The following KLHL13 variants were observed in gnomAD, a reference collection of about 807,000 sequenced individuals.
KLHL13 encodes kelch like family member 13, also known as kelch-like protein 13.
Under a neutral mutation model 37.1 loss-of-function variants are expected in KLHL13, and 10 were observed. That is an observed-to-expected ratio of 0.27 (90% CI 0.17 to 0.46). KLHL13 has a LOEUF of 0.46. Ranked by LOEUF, KLHL13 falls within the 20% of genes least tolerant of loss-of-function variation. KLHL13 has a pLI of 1.00. For synonymous variants in KLHL13, 163 were observed against 181.2 expected, an observed-to-expected ratio of 0.90 and a Z score of 0.81; for missense variants, 360 against 509.3, an observed-to-expected ratio of 0.71 and a Z score of 2.82.
intron 1 of KLHL13, among the ~76,000 whole-genome samples, chrX:117,970,010 C>T (rs2053497489): frequency 9.0e-6 from 1 of 111,649 alleles, no homozygotes; most frequent in Non-Finnish European, 1.9e-5. Context: ...CTATTGTAGC[C>T]TTCACTAGCA....
intron 1 of KLHL13, among the ~76,000 whole-genome samples, chrX:118,013,642 T>C (rs1029950399): frequency 1.8e-5 from 2 of 111,254 alleles, no homozygotes; most frequent in African/African-American, 3.3e-5. Context: ...AAGAGAGGAT[T>C]TGACACAGTA....
intron 5 of KLHL13, among the ~76,000 whole-genome samples, chrX:117,907,913 T>C (rs189228795): frequency 4.0e-4 from 44 of 110,948 alleles, no homozygotes; most frequent in Non-Finnish European, 3.4e-4. Flanking sequence ...CTCTGATAAA[T>C]AGCTTAGTCT....
At chrX:118,059,925 G>A (rs960042390) in intron 1 of KLHL13, among the ~76,000 whole-genome samples, 1 of 111,876 alleles carries the variant, frequency 8.9e-6, no homozygotes. Flanking sequence ...ACTACCGTCT[G>A]TAAAACAGAG....
chrX:118,021,766 C>T (rs188872805), intron 1 of KLHL13, among the ~76,000 whole-genome samples: 16 of 111,122 alleles, frequency 1.4e-4, no homozygotes, highest in Middle Eastern at 4.6e-3. Context: ...AATAGGATGG[C>T]TGGGTCAAAT....
chrX:117,898,897 T>C (rs923047910), exon 7 of KLHL13: 1 of 1,189,741 alleles, frequency 8.4e-7, no homozygotes, highest in Non-Finnish European at 1.1e-6. Context: ...ATCTTAGTTG[T>C]AGAGATGATC....
intron 2 of KLHL13, among the ~76,000 whole-genome samples, chrX:117,927,010 C>A (rs1461973820): frequency 1.9e-5 from 2 of 103,510 alleles, no homozygotes; most frequent in East Asian, 3.1e-4. Flanking sequence ...GGTTCACGCC[C>A]TTCTCCTGCC....
chrX:118,065,409 G>A (rs769441899), intron 1 of KLHL13, among the ~76,000 whole-genome samples: 1 of 111,360 alleles, frequency 9.0e-6, no homozygotes, highest in South Asian at 3.8e-4. Flanking sequence ...AGGCAAACAT[G>A]GGTTGTTCTT....
At chrX:117,904,752 C>T (rs1046940328) in intron 5 of KLHL13, among the ~76,000 whole-genome samples, 3 of 111,515 alleles carry the variant, frequency 2.7e-5, no homozygotes, top group African/African-American at 9.8e-5. Context: ...ACTACAACAG[C>T]AGAGTTGATT....
chrX:117,964,809 T>C (rs1417432870), intron 1 of KLHL13, among the ~76,000 whole-genome samples: 2 of 111,054 alleles, frequency 1.8e-5, no homozygotes, highest in African/African-American at 3.3e-5. Flanking sequence ...CATTGTTCAA[T>C]TCCCACCTGT....
chrX:118,025,092 C>T (rs1463735912), intron 1 of KLHL13, among the ~76,000 whole-genome samples: 3 of 111,644 alleles, frequency 2.7e-5, no homozygotes, highest in Non-Finnish European at 3.8e-5. Flanking sequence ...TTCAACATCC[C>T]CTGATCTACT....
intron 1 of KLHL13, among the ~76,000 whole-genome samples, chrX:118,114,370 G>A (rs1434622043): frequency 8.9e-6 from 1 of 112,215 alleles, no homozygotes. Flanking sequence ...CACATATTGA[G>A]TCATATTGAA....
intron 1 of KLHL13, among the ~76,000 whole-genome samples, chrX:118,057,581 G>A (rs1433829471): frequency 8.9e-6 from 1 of 111,924 alleles, no homozygotes; most frequent in Non-Finnish European, 1.9e-5. Flanking sequence ...AGCACTTTGG[G>A]AGGCCAAGGT....
At chrX:117,953,686 C>A (rs1157098702) in intron 1 of KLHL13, among the ~76,000 whole-genome samples, 1 of 111,458 alleles carries the variant, frequency 9.0e-6, no homozygotes, top group Non-Finnish European at 1.9e-5. Context: ...ACATTGTTCC[C>A]ATTTATACCA....
rs949735932 is a variant in KLHL13 at position 118,031,547 on chromosome X, T to C, written c.-56+84961A>G. Among the ~76,000 whole-genome samples the C allele has an allele frequency of 1.2e-4, 10 of 82,147 alleles. 1 individual carries two copies. The highest frequency in any genetic ancestry group is 5.1e-4 in the African/African-American group (10 of 19,684). The allele number at this position is 82,147 out of a possible 115,157, so 71.3% of individuals were successfully genotyped here. A position where few individuals can be genotyped will look rare whatever the true frequency, so the allele number is the denominator to read the frequency against. The stretch of plus-strand genomic sequence containing the variant: ...TATTTAGTTATATATATATTAGTTA[T>C]ATATATATTTAGTTATATATATATT... On this transcript the variant is annotated intron_variant, in intron 1 of 6. Coordinates refer to the KLHL13 transcript ENST00000371882.
intron 1 of KLHL13, among the ~76,000 whole-genome samples, chrX:118,082,254 A>G (rs1435907999): frequency 1.8e-5 from 2 of 110,484 alleles, no homozygotes; most frequent in Non-Finnish European, 3.8e-5. Context: ...CCTTTTCTCC[A>G]CATCATCCCC....
At chrX:118,096,491 A>T (rs1441834463) in intron 1 of KLHL13, among the ~76,000 whole-genome samples, 1 of 111,801 alleles carries the variant, frequency 8.9e-6, no homozygotes, top group Non-Finnish European at 1.9e-5. Context: ...GACAAATTCT[A>T]CCAGAGGTAC....
intron 1 of KLHL13, among the ~76,000 whole-genome samples, chrX:118,098,161 A>G (rs1053826990): frequency 1.8e-5 from 2 of 111,996 alleles, no homozygotes; most frequent in Non-Finnish European, 3.8e-5. Context: ...AATGGGAGAA[A>G]ATTTTTGCAA....
intron 1 of KLHL13, among the ~76,000 whole-genome samples, chrX:118,061,783 C>A (rs187230845): frequency 5.4e-5 from 6 of 111,150 alleles, no homozygotes; most frequent in African/African-American, 2.0e-4. Flanking sequence ...CCATAGGGAT[C>A]TCAATAAAAA....
intron 1 of KLHL13, among the ~76,000 whole-genome samples, chrX:118,069,962 T>A (rs148354649): frequency 1.2e-3 from 139 of 112,073 alleles, no homozygotes; most frequent in African/African-American, 4.4e-3. Flanking sequence ...TTATCTTTTA[T>A]ACCATATTTT....
Sources: gnomAD v4.1 joint callset for allele counts (sites outside exome capture counted in the v4.1 genomes callset) on GRCh38, gnomAD v4.1.1 for gene constraint, MANE v1.5 for transcripts, NCBI Gene and HGNC (gene_info 2026-07-23, HGNC 2026-07-21) for gene names.